Variants in DACH2 observed in about 807,000 individuals in gnomAD.
The protein encoded by DACH2 is dachshund family transcription factor 2.
In DACH2, 17 loss-of-function variants were observed where a neutral mutation model predicts 35.8. The observed-to-expected ratio is 0.48, with a 90% confidence interval of 0.33 to 0.71. The LOEUF (loss-of-function observed/expected upper bound fraction) is 0.71. Among genes scored for constraint, DACH2 ranks in the 30% least tolerant of loss-of-function variants. DACH2 has a pLI of 0.02. For synonymous variants in DACH2, 195 were observed against 177.3 expected, an observed-to-expected ratio of 1.10 and a Z score of -0.79; for missense variants, 469 against 472.7, an observed-to-expected ratio of 0.99 and a Z score of 0.07.
chrX:86,734,842 G>C (rs757857573), intron 6 of DACH2, among the ~76,000 whole-genome samples: 9 of 111,631 alleles, frequency 8.1e-5, no homozygotes, highest in Non-Finnish European at 1.5e-4. Flanking sequence ...AGTCTGTTCT[G>C]TTTCTGCAGA....
chrX:86,788,026 A>T (rs1013708503), intron 7 of DACH2, among the ~76,000 whole-genome samples: 2 of 111,228 alleles, frequency 1.8e-5, no homozygotes, highest in Non-Finnish European at 3.8e-5. Context: ...GCATGCTTCC[A>T]GGGTCTGTGT....
chrX:86,673,524 T>A (rs1465064143), intron 4 of DACH2, among the ~76,000 whole-genome samples: 1 of 110,804 alleles, frequency 9.0e-6, no homozygotes, highest in African/African-American at 3.3e-5. Flanking sequence ...GTAACTAACT[T>A]GTTTTTGATT....
At chrX:86,608,025 T>C (rs1238550579) in intron 3 of DACH2, among the ~76,000 whole-genome samples, 3 of 107,020 alleles carry the variant, frequency 2.8e-5, no homozygotes, top group Non-Finnish European at 5.8e-5. Flanking sequence ...TCCAAGTCTT[T>C]GCTATTGTGA....
At chrX:86,574,618 A>G (rs770973257) in intron 3 of DACH2, among the ~76,000 whole-genome samples, 1 of 111,874 alleles carries the variant, frequency 8.9e-6, no homozygotes, top group East Asian at 2.8e-4. Context: ...CTATGCACAT[A>G]CATTCTGGAC....
intron 4 of DACH2, among the ~76,000 whole-genome samples, chrX:86,688,840 C>T (rs765567458): frequency 4.5e-5 from 5 of 112,003 alleles, no homozygotes; most frequent in Non-Finnish European, 9.4e-5. Context: ...TCTGTACTTC[C>T]CAATATGATA....
At chrX:86,712,070 T>C (rs938935873) in intron 5 of DACH2, among the ~76,000 whole-genome samples, 10 of 111,443 alleles carry the variant, frequency 9.0e-5, no homozygotes, top group African/African-American at 2.6e-4. Flanking sequence ...CTACTTTTCA[T>C]CTAAGTTTGA....
chrX:86,720,920 T>A (rs906833554), intron 6 of DACH2, among the ~76,000 whole-genome samples: 1 of 112,723 alleles, frequency 8.9e-6, no homozygotes, highest in African/African-American at 3.2e-5. Flanking sequence ...TCTTGTCTTC[T>A]GCACACCTGC....
At chrX:86,825,204 A>G (rs899648562) in intron 11 of DACH2, among the ~76,000 whole-genome samples, 1 of 111,106 alleles carries the variant, frequency 9.0e-6, no homozygotes, top group Non-Finnish European at 1.9e-5. Context: ...TGCCTCAGGT[A>G]TGGAGTTTGA....
intron 11 of DACH2, chrX:86,827,818 G>C: frequency 8.7e-7 from 1 of 1,152,233 alleles, no homozygotes; most frequent in African/African-American, 1.8e-5. Context: ...ATAGGGTGCT[G>C]TAGCAGTTAC....
At chrX:86,595,063 GT>G (rs917867116) in intron 3 of DACH2, among the ~76,000 whole-genome samples, 2 of 110,877 alleles carry the variant, frequency 1.8e-5, no homozygotes, top group Non-Finnish European at 3.8e-5. Context: ...GGTTCTGAAA[GT>G]TTCATTTATC....
chrX:86,357,849 A>G (rs977988104), intron 1 of DACH2, among the ~76,000 whole-genome samples: 1 of 112,327 alleles, frequency 8.9e-6, no homozygotes, highest in Admixed American at 9.4e-5. Flanking sequence ...TGGCATATCC[A>G]TGAGACAAAA....
chrX:86,645,382 GA>G (rs1016995140), intron 3 of DACH2, among the ~76,000 whole-genome samples: 6 of 109,540 alleles, frequency 5.5e-5, no homozygotes, highest in African/African-American at 2.0e-4. Context: ...TGGGTATCAT[GA>G]AAAAGAAAAA....
rs749672228 is a variant in DACH2, at chrX:86,194,915, C to G, written c.488+45807C>G. On this transcript the variant is annotated intron_variant, in intron 1 of 11. Coordinates refer to ENST00000373125, the MANE Select transcript of DACH2 (RefSeq NM_053281.3). ...CATCCCTTGGTCTGCTGGCCTCTCCCGGGGCCCCATCCTGGCCGTGCCTGC... is the reference window on the plus strand; with the variant it reads ...CATCCCTTGGTCTGCTGGCCTCTCCGGGGGCCCCATCCTGGCCGTGCCTGC... Among the ~76,000 whole-genome samples the G allele has an allele frequency of 3.6e-5, 4 of 112,587 alleles. No homozygotes were observed. In the Admixed American group the frequency reaches 3.7e-4, roughly 10 times the overall value.
intron 3 of DACH2, among the ~76,000 whole-genome samples, chrX:86,530,328 G>A (rs1014360257): frequency 8.9e-6 from 1 of 111,962 alleles, no homozygotes; most frequent in Non-Finnish European, 1.9e-5. Flanking sequence ...GTTTGGCTCT[G>A]TGTCCTCATG....
intron 3 of DACH2, among the ~76,000 whole-genome samples, chrX:86,640,062 G>T (rs937575478): frequency 9.0e-6 from 1 of 111,008 alleles, no homozygotes; most frequent in Non-Finnish European, 1.9e-5. Context: ...AATCCCAGGT[G>T]ACTAGAGACT....
At chrX:86,204,388 C>T (rs188719227) in intron 1 of DACH2, among the ~76,000 whole-genome samples, 89 of 112,063 alleles carry the variant, frequency 7.9e-4, no homozygotes, top group Non-Finnish European at 1.4e-3. Flanking sequence ...GATATCAGAA[C>T]ATAACATAAA....
At chrX:86,622,429 C>A (rs1035625015) in intron 3 of DACH2, among the ~76,000 whole-genome samples, 7 of 110,852 alleles carry the variant, frequency 6.3e-5, no homozygotes, top group African/African-American at 2.3e-4. Context: ...TTTTAATGTT[C>A]CAATAGTGTG....
intron 3 of DACH2, among the ~76,000 whole-genome samples, chrX:86,587,117 G>A (rs12851006): frequency 9.0e-5 from 10 of 111,470 alleles, no homozygotes; most frequent in East Asian, 2.8e-4. Context: ...TCTCATTGTA[G>A]AGATCTCTCA....
Position 86,329,982 on chromosome X carries a change from A to G in DACH2, c.489-46842A>G, listed in dbSNP as rs578184432. Among the ~76,000 whole-genome samples the G allele has an allele frequency of 2.8e-4, 31 of 111,756 alleles. No individual in the cohort carries two copies. The South Asian group carries it at 0.011, about 41-fold the overall frequency. ...AGTGATTTTTCTTTGAAAATGGAGAAAACTGTGTTTGTTGAGATAACTAGA... is the reference window on the plus strand; with the variant it reads ...AGTGATTTTTCTTTGAAAATGGAGAGAACTGTGTTTGTTGAGATAACTAGA... On this transcript the variant is annotated intron_variant, in intron 1 of 11. Transcript: ENST00000373125.
Sources: gnomAD v4.1 joint callset for allele counts (sites outside exome capture counted in the v4.1 genomes callset) on GRCh38, gnomAD v4.1.1 for gene constraint, MANE v1.5 for transcripts, NCBI Gene and HGNC (gene_info 2026-07-23, HGNC 2026-07-21) for gene names.